The following KMT5C variants were observed in gnomAD, a reference collection of about 807,000 sequenced individuals.
The protein encoded by KMT5C is histone-lysine N-methyltransferase KMT5C.
In KMT5C, 16 loss-of-function variants were observed where a neutral mutation model predicts 38.2. The ratio of observed to expected loss-of-function variants is 0.42; its 90% CI spans 0.28 to 0.64. The LOEUF (loss-of-function observed/expected upper bound fraction) is 0.64, where lower values mean the gene tolerates loss of function less well. KMT5C is among the 30% of genes least tolerant of loss of function. The pLI, the probability that KMT5C is intolerant of heterozygous loss-of-function variation, is 0.23. For missense variants in KMT5C, 598 were observed against 665.1 expected, an observed-to-expected ratio of 0.90 and a Z score of 1.11; for synonymous variants, 291 against 279.0, an observed-to-expected ratio of 1.04 and a Z score of -0.43.
chr19:55,344,416 C>T (rs565070059), intron 6 of KMT5C: 18 of 315,656 alleles, frequency 5.7e-5, no homozygotes, highest in Admixed American at 2.2e-4. Flanking sequence ...TGGCTTCCCA[C>T]GGGTCCTGGA....
At position 55,343,863 on chromosome 19, in the gene KMT5C, A is replaced by C; in HGVS notation, c.550+20A>C. The C allele has an allele frequency of 6.2e-7, 1 of 1,612,968 alleles. No individual in the cohort carries two copies. Among genetic ancestry groups the C allele is most frequent in the Non-Finnish European group, 8.5e-7 (1 of 1,179,312 alleles). On this transcript the variant is annotated intron_variant, in intron 5 of 8. Coordinates refer to ENST00000255613, the MANE Select transcript of KMT5C (RefSeq NM_032701.4). The surrounding 1 kb of genome is among the most constrained non-coding windows in gnomAD (Gnocchi z 5.5). ...ACCATGGTGAGGGTCAGGCAGGTGGATGGGCAGGACGGGATAGAGCCAGGC... is the reference window on the plus strand; with the variant it reads ...ACCATGGTGAGGGTCAGGCAGGTGGCTGGGCAGGACGGGATAGAGCCAGGC...
rs1159486228 is a variant in KMT5C at position 55,347,282 on chromosome 19, C to T, written c.1222C>T (p.Arg408Cys). 8 of 1,560,112 alleles carry T rather than the reference C, an allele frequency of 5.1e-6. No homozygotes were observed. The highest frequency in any genetic ancestry group is 6.9e-6 in the Non-Finnish European group (8 of 1,155,636). ...LPYVVRVDLRRLAPAPPATPA... is the reference protein window; with the variant it reads ...LPYVVRVDLRCLAPAPPATPA... ...TTACGTGGTGCGTGTGGACCTTCGTCGCCTGGCCCCAGCCCCACCAGCTAC... is the reference window on the plus strand; with the variant it reads ...TTACGTGGTGCGTGTGGACCTTCGTTGCCTGGCCCCAGCCCCACCAGCTAC... Residue 408 changes from arginine to cysteine, a missense_variant, in exon 9 of 9, where the codon CGC (arginine) becomes TGC (cysteine). This residue lies in a region of KMT5C where 326 missense variants were observed against 298.1 expected (regional missense o/e 1.09). Transcript: ENST00000255613. The surrounding 1 kb of genome is among the most constrained non-coding windows in gnomAD (Gnocchi z 4.6).
chr19:55,346,409 GCA>G (rs1178212774), intron 7 of KMT5C, 60 bp downstream of exon 7: 2 of 1,609,332 alleles, frequency 1.2e-6, no homozygotes, highest in Non-Finnish European at 1.7e-6. Context: ...GCCCAGAAAC[GCA>G]CCCTCGGGAC....
Position 55,343,846 on chromosome 19 carries a change from G to A in KMT5C, c.550+3G>A. 3.1e-6 allele frequency: 5 copies of A among 1,613,672 alleles called. No individual in the cohort carries two copies. Among genetic ancestry groups the A allele is most frequent in the Non-Finnish European group, 3.4e-6 (4 of 1,179,786 alleles). ...CCCAGCCGCCTTCATCAACCATGGT[G>A]AGGGTCAGGCAGGTGGATGGGCAGG... On this transcript the variant is annotated splice_donor_region_variant and intron_variant, in intron 5 of 8. Coordinates refer to ENST00000255613, the MANE Select transcript of KMT5C (RefSeq NM_032701.4). This position sits in a 1 kb window ranked among gnomAD's most constrained non-coding sequence, Gnocchi z 5.5.
chr19:55,344,303 G>A (rs1177211866), intron 6 of KMT5C: 13 of 294,804 alleles, frequency 4.4e-5, no homozygotes, highest in Admixed American at 9.5e-5. Context: ...CGGAGCTTGC[G>A]GTGAGCCGAG....
chr19:55,346,269 TG>T lies in KMT5C; in HGVS notation c.631del (p.Asp211ThrfsTer3). 6.2e-7 allele frequency: 1 copy of T among 1,614,002 alleles called. No individual in the cohort carries two copies. The highest frequency in any genetic ancestry group is 8.5e-7 in the Non-Finnish European group (1 of 1,179,952). On this transcript the variant is annotated frameshift_variant, in exon 7 of 9. Transcript: ENST00000255613. LOFTEE classifies it high-confidence loss of function. ...TGAAGGTGCTCCGGGACATTGAGCC[TG>T]GGGACGAGGTGACATGCTTCTACGG... ...CVKVLRDIEP[G>X]DEVTCFYGEG...
intron 6 of KMT5C, 143 bp downstream of exon 6, chr19:55,344,140 C>T (rs370876068): frequency 1.2e-5 from 10 of 816,340 alleles, no homozygotes; most frequent in Middle Eastern, 6.0e-4. Context: ...TTTGGGAGGC[C>T]GAGGTGGGCA....
intron 3 of KMT5C, 112 bp from the exon 4 acceptor site, chr19:55,342,630 G>T: frequency 1.4e-6 from 1 of 695,144 alleles, no homozygotes. Context: ...GGGAACATGA[G>T]GCCCCCAAGA....
rs1266348076 is a variant in KMT5C at position 55,343,930 on chromosome 19, G to A, written c.551-48G>A. 2 of 1,608,434 alleles carry A rather than the reference G, an allele frequency of 1.2e-6. No individual in the cohort carries two copies. Among genetic ancestry groups the A allele is most frequent in the South Asian group, 1.1e-5 (1 of 90,952 alleles). On this transcript the variant is annotated intron_variant, in intron 5 of 8. Coordinates refer to ENST00000255613, the MANE Select transcript of KMT5C (RefSeq NM_032701.4). This position sits in a 1 kb window ranked among gnomAD's most constrained non-coding sequence, Gnocchi z 5.5. ...AGTGGGAGGGTTCTGCGACTGAGCT[G>A]CCGAGCTCATCTACCTCTCTTCTCT...
intron 1 of KMT5C, 38 bp downstream of exon 1, chr19:55,339,995 C>T (rs1234153567): frequency 6.6e-6 from 1 of 152,376 alleles, no homozygotes; most frequent in Middle Eastern, 3.4e-3. Context: ...TGAGCCCCTT[C>T]ACGGCCCCAG....
In KMT5C at chr19:55,347,354, GC is replaced by G; in HGVS notation, c.1297del (p.Leu433SerfsTer66). ...TPGPILIPKQ[A>X]LAFAPFSPPK... ...AGGCCCCATCCTGATCCCGAAGCAG[GC>G]CCTCGCCTTCGCCCCCTTCTCCCCA... On this transcript the variant is annotated frameshift_variant, in exon 9 of 9. Coordinates refer to ENST00000255613, the MANE Select transcript of KMT5C (RefSeq NM_032701.4). LOFTEE classifies it high-confidence loss of function. The surrounding 1 kb of genome is among the most constrained non-coding windows in gnomAD (Gnocchi z 4.6). The G allele has an allele frequency of 1.3e-6, 2 of 1,580,232 alleles. No individual in the cohort carries two copies.
chr19:55,346,875 G>T, intron 8 of KMT5C, 81 bp from the exon 9 acceptor site: 1 of 768,046 alleles, frequency 1.3e-6, no homozygotes, highest in South Asian at 1.6e-5. Context: ...CTGCCTCCTT[G>T]TCCAGAGGAG....
At position 55,347,037 on chromosome 19, in the gene KMT5C, C is replaced by T. The variant is rs202059881; in HGVS notation, c.977C>T (p.Pro326Leu). 406 of 1,527,344 alleles carry T rather than the reference C, an allele frequency of 2.7e-4. No individual in the cohort carries two copies. Among genetic ancestry groups the T allele is most frequent in the Non-Finnish European group, 3.5e-4 (395 of 1,117,448 alleles). The allele number at this position is 1,527,344 out of a possible 1,614,324, so 94.6% of individuals were successfully genotyped here. Residue 326 changes from proline to leucine, a missense_variant, in exon 9 of 9, where the codon CCC becomes CTC. By Grantham distance (98) the Pro-to-Leu change is moderately conservative (BLOSUM62 -3). This residue lies in a region of KMT5C where 326 missense variants were observed against 298.1 expected (regional missense o/e 1.09). Transcript: ENST00000255613. The surrounding 1 kb of genome is among the most constrained non-coding windows in gnomAD (Gnocchi z 4.6). Reference protein sequence around the residue: ...SPLWLQWLPQPQPRVRPRKRR... With the variant: ...SPLWLQWLPQLQPRVRPRKRR... ...CTCTGGCTCCAGTGGCTGCCTCAGCCCCAGCCCCGAGTGCGGCCCCGGAAG... is the reference window on the plus strand; with the variant it reads ...CTCTGGCTCCAGTGGCTGCCTCAGCTCCAGCCCCGAGTGCGGCCCCGGAAG...
At position 55,343,455 on chromosome 19, in the gene KMT5C, T is replaced by C; in HGVS notation, c.387-225T>C. 1.7e-6 allele frequency: 1 copy of C among 587,708 alleles called. No homozygotes were observed. Among genetic ancestry groups the C allele is most frequent in the African/African-American group, 1.9e-5 (1 of 53,668 alleles). 36.4% of individuals were successfully genotyped at this position (587,708 alleles called of 1,614,324 possible). On this transcript the variant is annotated intron_variant, in intron 4 of 8. Transcript: ENST00000255613. This position sits in a 1 kb window ranked among gnomAD's most constrained non-coding sequence, Gnocchi z 5.5. ...TGTATCTGCTGTGTGCGTGCTGCCC[T>C]GAAGGCTTTCAGTAGAAGGGTCCTG...
chr19:55,345,261 C>T (rs2089604636), intron 6 of KMT5C: 4 of 358,826 alleles, frequency 1.1e-5, no homozygotes, highest in Non-Finnish European at 2.2e-5. Flanking sequence ...GGACACGGCA[C>T]ACCAGAGGGC....
Position 55,343,486 on chromosome 19 carries a change from C to T in KMT5C, c.387-194C>T, listed in dbSNP as rs574089348. On this transcript the variant is annotated intron_variant, in intron 4 of 8. Coordinates refer to ENST00000255613, the MANE Select transcript of KMT5C (RefSeq NM_032701.4). This position sits in a 1 kb window ranked among gnomAD's most constrained non-coding sequence, Gnocchi z 5.5. ...CTTTCAGTAGAAGGGTCCTGTGGGG[C>T]TGTGGGCTGGAGCAGGGAAGCCCAC... 10 of 608,674 alleles carry T rather than the reference C, an allele frequency of 1.6e-5. No homozygotes were observed. In the South Asian group the frequency reaches 1.8e-4, roughly 11 times the overall value. 37.7% of individuals were successfully genotyped at this position (608,674 alleles called of 1,614,324 possible). A position where few individuals can be genotyped will look rare whatever the true frequency, so the allele number is the denominator to read the frequency against.
intron 6 of KMT5C, 36 bp downstream of exon 6, chr19:55,344,033 G>T (rs780050643): frequency 1.2e-6 from 2 of 1,602,646 alleles, no homozygotes; most frequent in Non-Finnish European, 1.7e-6. Context: ...AGGGCACGCA[G>T]GAAGAAAGGG....
chr19:55,344,318 C>T (rs1374435884), intron 6 of KMT5C: 18 of 277,000 alleles, frequency 6.5e-5, no homozygotes, highest in African/African-American at 1.1e-4. Flanking sequence ...GCCGAGATCG[C>T]GCCACTGCAC....
chr19:55,345,963 A>G (rs1306978900), intron 6 of KMT5C: 6 of 551,278 alleles, frequency 1.1e-5, no homozygotes, highest in East Asian at 3.1e-5. Flanking sequence ...GCACGCTGCC[A>G]GAAGGTCAGG....
Sources: allele counts gnomAD v4.1 joint callset, GRCh38; gene constraint gnomAD v4.1.1; regional missense constraint gnomAD v4.1.1; non-coding constraint Gnocchi (gnomAD v3.1); transcripts MANE v1.5; gene names NCBI Gene and HGNC (gene_info 2026-07-23, HGNC 2026-07-21).